NLGN1: variants seen among roughly 807,000 people sequenced by gnomAD.
NLGN1 encodes the protein neuroligin-1.
Under a neutral mutation model 65.5 loss-of-function variants are expected in NLGN1, and 12 were observed. That is an observed-to-expected ratio of 0.18 (90% CI 0.12 to 0.30). The LOEUF (loss-of-function observed/expected upper bound fraction) is 0.30, where lower values mean the gene tolerates loss of function less well. NLGN1 is among the 10% of genes least tolerant of loss of function. The pLI, the probability that NLGN1 is intolerant of heterozygous loss-of-function variation, is 1.00. For synonymous variants in NLGN1, 350 were observed against 359.5 expected (o/e 0.97, Z 0.30); for missense variants, 750 against 1,007.1 (o/e 0.74, Z 3.46).
chr3:173,714,440 G>C (rs190944584), intron 3 of NLGN1, among the ~76,000 whole-genome samples: 22 of 152,250 alleles, frequency 1.4e-4, no homozygotes, highest in African/African-American at 5.3e-4. Context: ...TCTTAGGCTA[G>C]GAGAAATGGT....
intron 1 of NLGN1, among the ~76,000 whole-genome samples, chr3:173,415,943 A>AGAGAGAGAGAGAGAGAGAGAGCGAGAGC (rs141095727): frequency 1.4e-5 from 2 of 142,826 alleles, no homozygotes; most frequent in African/African-American, 5.6e-5. Flanking sequence ...AGAGAGAGAG[A>AGAGAGAGAGAGAGAGAGAGAGCGAGAGC]GCTTGGTATA....
At chr3:173,973,702 T>C (rs1180405858) in intron 4 of NLGN1, among the ~76,000 whole-genome samples, 2 of 152,108 alleles carry the variant, frequency 1.3e-5, no homozygotes, top group African/African-American at 2.4e-5. Flanking sequence ...AAATTGATTA[T>C]ATTTTCATTT....
intron 4 of NLGN1, among the ~76,000 whole-genome samples, chr3:174,031,110 A>C (rs980896766): frequency 1.3e-5 from 2 of 152,168 alleles, no homozygotes; most frequent in African/African-American, 4.8e-5. Context: ...ACCCTTCAGA[A>C]AGACAGGTGA....
At chr3:173,550,129 A>G (rs568301336) in intron 2 of NLGN1, among the ~76,000 whole-genome samples, 2 of 152,210 alleles carry the variant, frequency 1.3e-5, no homozygotes, top group East Asian at 3.9e-4. Flanking sequence ...CCTACATGCC[A>G]TACAATATGG....
At chr3:174,154,980 T>TAATATAA (rs1561174931) in intron 4 of NLGN1, among the ~76,000 whole-genome samples, 7 of 122,256 alleles carry the variant, frequency 5.7e-5, no homozygotes, top group East Asian at 4.8e-4. Context: ...ATATAATATA[T>TAATATAA]TATATTATAT....
chr3:173,917,841 T>TTGTGTGTGTGTG (rs145802137), intron 4 of NLGN1, among the ~76,000 whole-genome samples: 4,907 of 146,438 alleles, frequency 0.034, 133 homozygotes, highest in East Asian at 0.15. Flanking sequence ...CAAAGCAACA[T>TTGTGTGTGTGTG]TGTGTGTGTG....
chr3:173,821,458 T>C (rs1720278451), intron 4 of NLGN1, among the ~76,000 whole-genome samples: 1 of 152,186 alleles, frequency 6.6e-6, no homozygotes, highest in African/African-American at 2.4e-5. Flanking sequence ...TGACTTTGTA[T>C]GAAAATAAGC....
chr3:173,697,278 C>G (rs1560188328), intron 3 of NLGN1, among the ~76,000 whole-genome samples: 1 of 152,138 alleles, frequency 6.6e-6, no homozygotes, highest in Non-Finnish European at 1.5e-5. Context: ...AAGCAGGACT[C>G]AAGTTTATTT....
intron 3 of NLGN1, among the ~76,000 whole-genome samples, chr3:173,722,005 C>G (rs1578123979): frequency 2.0e-5 from 3 of 151,252 alleles, no homozygotes; most frequent in African/African-American, 7.3e-5. Flanking sequence ...TTTTCAAGTA[C>G]TTCTCTATTT....
intron 4 of NLGN1, among the ~76,000 whole-genome samples, chr3:174,118,097 A>T (rs1448358993): frequency 1.3e-5 from 2 of 151,930 alleles, no homozygotes; most frequent in South Asian, 4.1e-4. Context: ...TTTCTCTCTT[A>T]TTTTTATTTT....
At chr3:174,108,695 C>G (rs768464486) in intron 4 of NLGN1, among the ~76,000 whole-genome samples, 33 of 152,020 alleles carry the variant, frequency 2.2e-4, no homozygotes, top group Non-Finnish European at 4.0e-4. Flanking sequence ...GGAGTTCTGG[C>G]TAAACCAACT....
At chr3:174,203,936 T>C (rs535655081) in intron 4 of NLGN1, among the ~76,000 whole-genome samples, 20 of 152,228 alleles carry the variant, frequency 1.3e-4, no homozygotes, top group Non-Finnish European at 2.6e-4. Context: ...AGAAATTCTA[T>C]TGGAGTCATT....
intron 4 of NLGN1, among the ~76,000 whole-genome samples, chr3:173,964,009 T>TGGTA (rs1355179943): frequency 6.6e-6 from 1 of 152,054 alleles, no homozygotes; most frequent in African/African-American, 2.4e-5. Context: ...CAGGAGTGAA[T>TGGTA]GGTAGGTAGG....
At chr3:173,642,065 T>C (rs1436099503) in intron 3 of NLGN1, among the ~76,000 whole-genome samples, 1 of 152,038 alleles carries the variant, frequency 6.6e-6, no homozygotes, top group Non-Finnish European at 1.5e-5. Flanking sequence ...TATATTTTAA[T>C]GTCATGATTT....
chr3:173,485,956 G>GT (rs1212388262), intron 2 of NLGN1, among the ~76,000 whole-genome samples: 1 of 151,872 alleles, frequency 6.6e-6, no homozygotes, highest in Non-Finnish European at 1.5e-5. Context: ...TTTTTTGTTT[G>GT]TTTTTTAACC....
intron 4 of NLGN1, among the ~76,000 whole-genome samples, chr3:173,989,505 A>G (rs530649016): frequency 6.6e-6 from 1 of 152,164 alleles, no homozygotes; most frequent in Admixed American, 6.6e-5. Context: ...ATATATTTTT[A>G]AAAAATTCTG....
chr3:174,146,256 A>T (rs1489010797), intron 4 of NLGN1, among the ~76,000 whole-genome samples: 1 of 152,022 alleles, frequency 6.6e-6, no homozygotes. Flanking sequence ...ATAGCAAATC[A>T]TCATGTTGTA....
At chr3:174,271,544 C>T (rs779731578) in intron 4 of NLGN1, among the ~76,000 whole-genome samples, 12 of 151,640 alleles carry the variant, frequency 7.9e-5, no homozygotes, top group Non-Finnish European at 1.5e-4. Context: ...TCCCCTTGTC[C>T]GGTTTATTTC....
intron 3 of NLGN1, among the ~76,000 whole-genome samples, chr3:173,710,375 A>G (rs781115617): frequency 3.9e-5 from 6 of 152,170 alleles, no homozygotes; most frequent in Non-Finnish European, 8.8e-5. Flanking sequence ...CTTTACATAG[A>G]TTTCCCAGGA....
Sources: allele counts gnomAD v4.1 joint callset (sites outside exome capture counted in the v4.1 genomes callset), GRCh38; gene constraint gnomAD v4.1.1; transcripts MANE v1.5; gene names NCBI Gene and HGNC (gene_info 2026-07-23, HGNC 2026-07-21).